The following LITAF variants were observed in gnomAD, a reference collection of about 807,000 sequenced individuals.
LITAF encodes the protein lipopolysaccharide induced TNF factor.
Under a neutral mutation model 14.5 loss-of-function variants are expected in LITAF, and 9 were observed. The observed-to-expected ratio is 0.62, with a 90% confidence interval of 0.37 to 1.08. The LOEUF (loss-of-function observed/expected upper bound fraction) is 1.08. Among genes scored for constraint, LITAF ranks in the 50% least tolerant of loss-of-function variants. LITAF has a pLI of 0.01. For synonymous variants in LITAF, 98 were observed against 88.2 expected (o/e 1.11, Z -0.62); for missense variants, 206 against 213.4 (o/e 0.97, Z 0.22).
upstream of LITAF, among the ~76,000 whole-genome samples, chr16:11,591,439 C>T (rs1296751510): frequency 6.6e-6 from 1 of 151,440 alleles, no homozygotes; most frequent in Non-Finnish European, 1.5e-5. Context: ...CCCACCTCCA[C>T]CTCCCAAAGT....
Position 11,553,678 on chromosome 16 carries a change from T to C in LITAF, c.232A>G (p.Thr78Ala), listed in dbSNP as rs200709345. 2 of 1,614,136 alleles carry C rather than the reference T, an allele frequency of 1.2e-6. No homozygotes were observed. The highest frequency in any genetic ancestry group is 1.1e-5 in the South Asian group (1 of 91,074). Residue 78 changes from threonine to alanine, a missense_variant, in exon 3 of 4, where the codon ACG (threonine) becomes GCG (alanine). By Grantham distance (58) the Thr-to-Ala change is moderately conservative. Transcript: ENST00000622633. The surrounding 1 kb of genome is among the most constrained non-coding windows in gnomAD (Gnocchi z 7.7). ...GTGATGGGGTGCTGCACGTAGACCG[T>C]CTGCACGGTAACTGATGAAAGGGAG... ...IPNNNPITVQ[T>A]VYVQHPITFL...
chr16:11,568,483 C>T (rs2064491105), intron 1 of LITAF, among the ~76,000 whole-genome samples: 1 of 151,972 alleles, frequency 6.6e-6, no homozygotes, highest in Non-Finnish European at 1.5e-5. Context: ...GTCATCCGTT[C>T]CCCAGAAATG....
chr16:11,638,545 A>G (rs1014706043), upstream of LITAF, among the ~76,000 whole-genome samples: 1 of 151,824 alleles, frequency 6.6e-6, no homozygotes, highest in Non-Finnish European at 1.5e-5. Flanking sequence ...TACTAAAAAT[A>G]CAAAAATTAG....
In LITAF at chr16:11,553,161, G is replaced by A. The variant is rs1165113914; in HGVS notation, c.377+372C>T. Among the ~76,000 whole-genome samples the A allele has an allele frequency of 1.3e-5, 2 of 151,776 alleles. No individual in the cohort carries two copies. Among genetic ancestry groups the A allele is most frequent in the Non-Finnish European group, 1.5e-5 (1 of 67,964 alleles). On this transcript the variant is annotated intron_variant, in intron 3 of 3. Coordinates refer to ENST00000622633, the MANE Select transcript of LITAF (RefSeq NM_001136472.2). This position sits in a 1 kb window ranked among gnomAD's most constrained non-coding sequence, Gnocchi z 7.7. ...AGGCCAGGCACAGTGGCTCACACCTGTAACCCCAGCAGTTTGGGAGGCCAA... is the reference window on the plus strand; with the variant it reads ...AGGCCAGGCACAGTGGCTCACACCTATAACCCCAGCAGTTTGGGAGGCCAA...
chr16:11,570,443 C>T (rs553024969), intron 1 of LITAF, among the ~76,000 whole-genome samples: 1 of 152,170 alleles, frequency 6.6e-6, no homozygotes, highest in Non-Finnish European at 1.5e-5. Flanking sequence ...AGTACCTCCA[C>T]GGCTTCACAG....
chr16:11,600,074 G>A (rs946900097), upstream of LITAF, among the ~76,000 whole-genome samples: 23 of 152,094 alleles, frequency 1.5e-4, no homozygotes, highest in Middle Eastern at 3.4e-3. This position sits in a 1 kb window ranked among gnomAD's most constrained non-coding sequence, Gnocchi z 4.1. Flanking sequence ...TATAGTTCAC[G>A]GCAGCCTCAA....
intron 1 of LITAF, among the ~76,000 whole-genome samples, chr16:11,592,274 A>G (rs1320357133): frequency 2.0e-5 from 3 of 152,104 alleles, no homozygotes; most frequent in Admixed American, 6.5e-5. Context: ...CAAACAACCT[A>G]GTGTAAAAAT....
chr16:11,561,834 G>C (rs1334381812), intron 1 of LITAF, among the ~76,000 whole-genome samples: 1 of 110,390 alleles, frequency 9.1e-6, no homozygotes, highest in Non-Finnish European at 1.7e-5. Context: ...CCCCAACTAC[G>C]AAACTCTTAG....
intron 3 of LITAF, among the ~76,000 whole-genome samples, chr16:11,623,839 C>T (rs1045356257): frequency 3.6e-4 from 54 of 151,084 alleles, no homozygotes; most frequent in African/African-American, 1.2e-3. Context: ...TGGTGGCAGG[C>T]GCCTGTAATC....
At chr16:11,600,459 C>G (rs528812419), upstream of LITAF, among the ~76,000 whole-genome samples, 430 of 152,340 alleles carry the variant, frequency 2.8e-3, 1 homozygote, top group Non-Finnish European at 3.5e-3. This position sits in a 1 kb window ranked among gnomAD's most constrained non-coding sequence, Gnocchi z 4.1. Context: ...GGCCGGGTCC[C>G]CAGCGCAACC....
At chr16:11,637,897 ACTATATAT>A (rs1224270242), upstream of LITAF, among the ~76,000 whole-genome samples, 1,111 of 39,478 alleles carry the variant, frequency 0.028, 112 homozygotes, top group African/African-American at 0.047. Context: ...AAAAAAAAAA[ACTATATAT>A]ATATATATCT....
intron 2 of LITAF, chr16:11,633,713 TG>T (rs2065127812): frequency 6.6e-6 from 1 of 152,132 alleles, no homozygotes; most frequent in Admixed American, 6.5e-5. Context: ...ACCTTAAAAA[TG>T]GGCGACCAGC....
intron 3 of LITAF, among the ~76,000 whole-genome samples, chr16:11,627,573 G>A (rs2065091600): frequency 6.6e-6 from 1 of 152,246 alleles, no homozygotes; most frequent in Admixed American, 6.5e-5. Flanking sequence ...CCTGGGAGTG[G>A]CGGCTCACGC....
At chr16:11,592,937 G>A (rs766169906) in intron 1 of LITAF, among the ~76,000 whole-genome samples, 11 of 152,124 alleles carry the variant, frequency 7.2e-5, no homozygotes, top group Non-Finnish European at 1.5e-4. Flanking sequence ...TTGGGAGGCC[G>A]AGGTGGGTTG....
intron 1 of LITAF, among the ~76,000 whole-genome samples, chr16:11,592,463 C>A (rs970211182): frequency 6.6e-6 from 1 of 151,808 alleles, no homozygotes; most frequent in African/African-American, 2.4e-5. Flanking sequence ...GTGGTCCCAG[C>A]TACTTGGGAG....
At chr16:11,569,633 G>A (rs772420989) in intron 1 of LITAF, among the ~76,000 whole-genome samples, 16 of 152,148 alleles carry the variant, frequency 1.1e-4, no homozygotes, top group Non-Finnish European at 1.8e-4. Flanking sequence ...CGTGGACTAC[G>A]GCCTGGTCAA....
chr16:11,585,722 C>T (rs997145987), intron 1 of LITAF, among the ~76,000 whole-genome samples: 1 of 152,132 alleles, frequency 6.6e-6, no homozygotes, highest in African/African-American at 2.4e-5. Flanking sequence ...TAAAGAGGAC[C>T]CCAAGCTGGG....
intron 3 of LITAF, among the ~76,000 whole-genome samples, chr16:11,619,344 T>C (rs749971861): frequency 9.9e-5 from 15 of 151,048 alleles, no homozygotes; most frequent in Non-Finnish European, 1.5e-4. Flanking sequence ...ACCCCAGCAC[T>C]GCTGGGCTCA....
At chr16:11,612,364 G>T (rs570813467) in intron 3 of LITAF, among the ~76,000 whole-genome samples, 11 of 152,216 alleles carry the variant, frequency 7.2e-5, no homozygotes, top group Non-Finnish European at 1.0e-4. Context: ...CCACCTGGGG[G>T]GCAGCCTGGA....
Sources: allele counts gnomAD v4.1 joint callset (sites outside exome capture counted in the v4.1 genomes callset), GRCh38; gene constraint gnomAD v4.1.1; non-coding constraint Gnocchi (gnomAD v3.1); transcripts MANE v1.5; gene names NCBI Gene and HGNC (gene_info 2026-07-23, HGNC 2026-07-21).